The following ZNF609 variants were observed in gnomAD, a reference collection of about 807,000 sequenced individuals.
The protein encoded by ZNF609 is zinc finger protein 609.
A neutral mutation model predicts 109.5 loss-of-function variants in ZNF609; 11 were observed. The observed-to-expected ratio is 0.10, with a 90% CI of 0.06 to 0.17. ZNF609 has a LOEUF of 0.17. Ranked by LOEUF, ZNF609 falls within the 10% of genes least tolerant of loss-of-function variation. The pLI is 1.00. For missense variants in ZNF609, 1,559 were observed against 1,772.4 expected, an observed-to-expected ratio of 0.88 and a Z score of 2.16; for synonymous variants, 646 against 662.0, an observed-to-expected ratio of 0.98 and a Z score of 0.37.
intron 1 of ZNF609, among the ~76,000 whole-genome samples, chr15:64,465,845 G>A (rs1326660992): frequency 1.3e-5 from 2 of 151,838 alleles, no homozygotes; most frequent in African/African-American, 4.8e-5. Context: ...GCCGGGCGCA[G>A]TGGCTCATGC....
intron 1 of ZNF609, among the ~76,000 whole-genome samples, chr15:64,477,361 C>T (rs566819682): frequency 1.3e-5 from 2 of 151,844 alleles, no homozygotes; most frequent in Admixed American, 6.6e-5. Context: ...AGGATGGTCT[C>T]GATCTCCTGA....
At chr15:64,591,778 T>C (rs1431885754) in intron 2 of ZNF609, among the ~76,000 whole-genome samples, 1 of 151,916 alleles carries the variant, frequency 6.6e-6, no homozygotes, top group Non-Finnish European at 1.5e-5. Flanking sequence ...TGGAGTGCAG[T>C]GGCACGATCT....
chr15:64,596,714 A>G (rs1347184348), intron 2 of ZNF609, among the ~76,000 whole-genome samples: 3 of 152,240 alleles, frequency 2.0e-5, no homozygotes, highest in Admixed American at 6.5e-5. Context: ...TTTACCACCT[A>G]TACTCAGTGT....
At chr15:64,507,914 A>C (rs1893660575) in intron 2 of ZNF609, among the ~76,000 whole-genome samples, 1 of 152,206 alleles carries the variant, frequency 6.6e-6, no homozygotes, top group Non-Finnish European at 1.5e-5. Context: ...GGTACAGTTT[A>C]GTCATGGTTC....
At chr15:64,486,413 A>G (rs1194125202) in intron 1 of ZNF609, among the ~76,000 whole-genome samples, 9 of 151,696 alleles carry the variant, frequency 5.9e-5, no homozygotes, top group Admixed American at 3.3e-4. Flanking sequence ...AGTCCCGGCT[A>G]TTCAGGAGAC....
At chr15:64,641,345 G>A (rs1896254577) in intron 3 of ZNF609, among the ~76,000 whole-genome samples, 1 of 149,240 alleles carries the variant, frequency 6.7e-6, no homozygotes, top group South Asian at 2.1e-4. Context: ...AGTCTCCCGA[G>A]TAGCTGGGAT....
Position 64,680,479 on chromosome 15 carries a change from C to T in ZNF609, c.3945+119C>T, listed in dbSNP as rs1411635290. ...ACAGTGCAGCTTGGCTGACTTGACA[C>T]TGGCAGCCCCCAGGGCATCTTCTTT... On this transcript the variant is annotated intron_variant, in intron 7 of 9. Coordinates refer to ENST00000326648, the MANE Select transcript of ZNF609 (RefSeq NM_015042.2). 4 of 1,384,544 alleles carry T rather than the reference C, an allele frequency of 2.9e-6. No individual in the cohort carries two copies. In the African/African-American group the frequency reaches 5.8e-5, roughly 20 times the overall value. The allele number at this position is 1,384,544 out of a possible 1,614,324, so 85.8% of individuals were successfully genotyped here. A position where few individuals can be genotyped will look rare whatever the true frequency, so the allele number is the denominator to read the frequency against.
chr15:64,489,206 G>C (rs181990353), intron 1 of ZNF609, among the ~76,000 whole-genome samples: 8 of 150,976 alleles, frequency 5.3e-5, no homozygotes, highest in Non-Finnish European at 1.0e-4. Flanking sequence ...TTTCTTTTGA[G>C]ATGGAGTCTC....
rs147495473 is a variant in ZNF609, at chr15:64,481,253, C to T, written c.-127-18040C>T. On this transcript the variant is annotated intron_variant, in intron 1 of 9. Transcript: ENST00000326648. ...AATGCAAGAGATCAAAAGGACCATA[C>T]AAAACAGTTGGTTATTTGGCATAGG... 6.2e-3 allele frequency among the ~76,000 whole-genome samples: 930 copies of T among 150,568 alleles called. 11 individuals are homozygous for T. The highest frequency in any genetic ancestry group is 0.021 in the African/African-American group (873 of 40,970).
At chr15:64,490,585 GT>G (rs200817014) in intron 1 of ZNF609, among the ~76,000 whole-genome samples, 18 of 151,562 alleles carry the variant, frequency 1.2e-4, no homozygotes, top group African/African-American at 3.4e-4. Flanking sequence ...CCAGCTAGTA[GT>G]TTTTTTTTAA....
chr15:64,603,621 C>G (rs1042680515), intron 2 of ZNF609, among the ~76,000 whole-genome samples: 2 of 151,950 alleles, frequency 1.3e-5, no homozygotes, highest in Admixed American at 6.6e-5. Context: ...CCCTCCAACC[C>G]CTTTATGCCA....
chr15:64,639,996 T>G (rs1896230035), intron 3 of ZNF609, among the ~76,000 whole-genome samples: 1 of 152,142 alleles, frequency 6.6e-6, no homozygotes. Context: ...CTCAGCTCAC[T>G]GCAACCTCCG....
chr15:64,560,330 G>A (rs959848338), intron 2 of ZNF609, among the ~76,000 whole-genome samples: 2 of 151,170 alleles, frequency 1.3e-5, no homozygotes, highest in African/African-American at 2.4e-5. Flanking sequence ...ACAGGTGTGA[G>A]CCACCACACC....
chr15:64,481,155 G>A (rs1893246311), intron 1 of ZNF609, among the ~76,000 whole-genome samples: 2 of 152,034 alleles, frequency 1.3e-5, no homozygotes. Context: ...GAGTGGAGAG[G>A]AAGATTTTAA....
At chr15:64,479,284 A>ATTTGTTTTT (rs1893214925) in intron 1 of ZNF609, among the ~76,000 whole-genome samples, 1 of 86,542 alleles carries the variant, frequency 1.2e-5, no homozygotes, top group Non-Finnish European at 2.0e-5. Flanking sequence ...TACCTGTGTG[A>ATTTGTTTTT]TTTTTTTTTT....
At chr15:64,526,914 G>C (rs976647529) in intron 2 of ZNF609, among the ~76,000 whole-genome samples, 1 of 152,116 alleles carries the variant, frequency 6.6e-6, no homozygotes, top group Non-Finnish European at 1.5e-5. Flanking sequence ...CAATCCCAAA[G>C]TGCTGGGATT....
intron 2 of ZNF609, among the ~76,000 whole-genome samples, chr15:64,569,543 G>A (rs182151838): frequency 4.6e-5 from 7 of 152,300 alleles, no homozygotes; most frequent in Non-Finnish European, 8.8e-5. Context: ...CCTTTGTTGT[G>A]CTTAGAAAAT....
At chr15:64,573,354 T>TTTTC (rs1555420104) in intron 2 of ZNF609, among the ~76,000 whole-genome samples, 3 of 106,048 alleles carry the variant, frequency 2.8e-5, no homozygotes, top group Non-Finnish European at 6.1e-5. Context: ...TTCTTTTTTT[T>TTTTC]TTTTTTTTTT....
intron 1 of ZNF609, among the ~76,000 whole-genome samples, chr15:64,485,412 C>T (rs1302461292): frequency 6.6e-6 from 1 of 152,026 alleles, no homozygotes; most frequent in Non-Finnish European, 1.5e-5. Flanking sequence ...TGTTTAACGG[C>T]GGTAGAAATT....
Sources: gnomAD v4.1 joint callset for allele counts (sites outside exome capture counted in the v4.1 genomes callset) on GRCh38, gnomAD v4.1.1 for gene constraint, MANE v1.5 for transcripts, NCBI Gene and HGNC (gene_info 2026-07-23, HGNC 2026-07-21) for gene names.